The following ARHGEF10 variants were observed in gnomAD, a reference collection of about 807,000 sequenced individuals.
ARHGEF10 encodes the protein Rho guanine nucleotide exchange factor 10, also known as Rho guanine nucleotide exchange factor (GEF) 10.
Under a neutral mutation model 147.4 loss-of-function variants are expected in ARHGEF10, and 140 were observed. That is an observed-to-expected ratio of 0.95 (90% CI 0.83 to 1.09). The LOEUF is 1.09. Ranked by LOEUF, ARHGEF10 falls within the 50% of genes least tolerant of loss-of-function variation. The probability of loss-of-function intolerance (pLI) is 0.00; values close to 1 mark genes in which losing one functional copy is unlikely to be tolerated. For missense variants in ARHGEF10, 2,222 were observed against 1,752.7 expected, an observed-to-expected ratio of 1.27 and a Z score of -4.78; for synonymous variants, 902 against 695.8, an observed-to-expected ratio of 1.30 and a Z score of -4.67.
chr8:1,847,089 A>G (rs181500191), intron 2 of ARHGEF10, among the ~76,000 whole-genome samples: 4 of 152,210 alleles, frequency 2.6e-5, no homozygotes, highest in African/African-American at 9.6e-5. Flanking sequence ...TTCTCTAGAA[A>G]TGTCTTTGGC....
Position 1,858,096 on chromosome 8 carries a change from T to C in ARHGEF10, c.174T>C (p.Ser58=). The change falls in exon 3 of 29, where the codon AGT becomes AGC. Residue 58 remains serine, a synonymous_variant. Coordinates refer to ENST00000349830, the MANE Select transcript of ARHGEF10 (RefSeq NM_014629.4). The part of the protein sequence containing the change: ...SAPETGGAGA[S]EAPAPTGGED... ...CTGAGACAGGAGGTGCTGGAGCCAG[T>C]GAAGCCCCTGCACCCACAGGTGAGT... is the stretch of plus-strand genomic sequence containing the variant. The C allele has an allele frequency of 6.3e-7, 1 of 1,584,894 alleles. No homozygotes were observed. Among genetic ancestry groups the C allele is most frequent in the Non-Finnish European group, 8.6e-7 (1 of 1,166,812 alleles).
chr8:1,861,693 G>A (rs1295674191), intron 4 of ARHGEF10, among the ~76,000 whole-genome samples: 1 of 152,126 alleles, frequency 6.6e-6, no homozygotes, highest in East Asian at 1.9e-4. Context: ...AGAGGTTTCA[G>A]AATAGACGGC....
At position 1,898,143 on chromosome 8, in the gene ARHGEF10, A is replaced by G. The variant is rs1324152167; in HGVS notation, c.1558-290A>G. On this transcript the variant is annotated intron_variant, in intron 14 of 28. Coordinates refer to ENST00000349830, the MANE Select transcript of ARHGEF10 (RefSeq NM_014629.4). ...TGGGGGCCCACTATGGCCAGAACACAGACACCCAAGGACAGCCCCTGGAAT... is the reference window on the plus strand; with the variant it reads ...TGGGGGCCCACTATGGCCAGAACACGGACACCCAAGGACAGCCCCTGGAAT... 3.3e-5 allele frequency among the ~76,000 whole-genome samples: 5 copies of G among 152,138 alleles called. No homozygotes were observed. In the East Asian group the frequency reaches 9.6e-4, roughly 29 times the overall value.
At chr8:1,904,657 C>T (rs548889302) in intron 16 of ARHGEF10, among the ~76,000 whole-genome samples, 10 of 152,294 alleles carry the variant, frequency 6.6e-5, no homozygotes, top group East Asian at 3.9e-4. Flanking sequence ...GATGATGCTT[C>T]GCACTGAATG....
At chr8:1,846,152 C>G (rs570103709) in intron 2 of ARHGEF10, among the ~76,000 whole-genome samples, 20 of 152,160 alleles carry the variant, frequency 1.3e-4, no homozygotes, top group South Asian at 4.2e-4. Context: ...GGCGGGAGCC[C>G]GGGAGCCGCG....
intron 2 of ARHGEF10, among the ~76,000 whole-genome samples, chr8:1,851,339 C>T (rs1329679678): frequency 1.3e-5 from 2 of 150,392 alleles, no homozygotes; most frequent in Non-Finnish European, 2.9e-5. Flanking sequence ...AGGCCTCACG[C>T]ACACCGTGGG....
intron 21 of ARHGEF10, 102 bp downstream of exon 21, chr8:1,923,976 T>C (rs1812492387): frequency 9.3e-7 from 1 of 1,080,942 alleles, no homozygotes; most frequent in Admixed American, 1.9e-5. Flanking sequence ...CAGCAGTAGA[T>C]CCATGCATTG....
intron 1 of ARHGEF10, among the ~76,000 whole-genome samples, chr8:1,841,438 G>A (rs1804024873): frequency 6.6e-6 from 1 of 152,174 alleles, no homozygotes; most frequent in African/African-American, 2.4e-5. Flanking sequence ...ATTCTCATTA[G>A]TTTATGGAAA....
chr8:1,859,771 C>T (rs968534279), intron 3 of ARHGEF10, 126 bp from the exon 4 acceptor site: 8 of 1,182,300 alleles, frequency 6.8e-6, no homozygotes, highest in Non-Finnish European at 7.4e-6. Flanking sequence ...GACCTGGGAA[C>T]GTCTAGGGGT....
At chr8:1,889,613 A>T (rs1809245356) in intron 11 of ARHGEF10, among the ~76,000 whole-genome samples, 1 of 88,868 alleles carries the variant, frequency 1.1e-5, no homozygotes, top group Non-Finnish European at 2.3e-5. Flanking sequence ...AGTGTGGGTG[A>T]GGGGTCTGTG....
chr8:1,936,442 T>C (rs919188293), intron 26 of ARHGEF10, among the ~76,000 whole-genome samples: 1 of 152,276 alleles, frequency 6.6e-6, no homozygotes, highest in African/African-American at 2.4e-5. Context: ...CCCACGAAGC[T>C]GAGGCTGCAG....
chr8:1,868,918 C>G (rs1409635190), intron 6 of ARHGEF10, among the ~76,000 whole-genome samples: 1 of 152,168 alleles, frequency 6.6e-6, no homozygotes, highest in South Asian at 2.1e-4. Flanking sequence ...CATTTTACAG[C>G]TGGTCCATTT....
rs540692574 is a variant in ARHGEF10, at chr8:1,937,451, A to C, written c.3222+3509A>C. On this transcript the variant is annotated intron_variant, in intron 26 of 28. Transcript: ENST00000349830. This position sits in a 1 kb window ranked among gnomAD's most constrained non-coding sequence, Gnocchi z 4.9. Reference sequence around the variant, plus strand: ...ATTGTCTGAGCTGACAGCTGGGGGTAATTCCCCTTTCTCAGGCTGCTTGTA... The same window carrying C: ...ATTGTCTGAGCTGACAGCTGGGGGTCATTCCCCTTTCTCAGGCTGCTTGTA... Among the ~76,000 whole-genome samples, 1 of 152,312 alleles carries C rather than the reference A, an allele frequency of 6.6e-6. No homozygotes were observed. The highest frequency in any genetic ancestry group is 2.1e-4 in the South Asian group (1 of 4,824).
At chr8:1,951,268 C>T (rs1021629286) in intron 27 of ARHGEF10, among the ~76,000 whole-genome samples, 2 of 152,240 alleles carry the variant, frequency 1.3e-5, no homozygotes, top group African/African-American at 4.8e-5. Context: ...AGCTGGGAAT[C>T]GCGTACCCTG....
chr8:1,915,998 A>G (rs917922124), intron 18 of ARHGEF10, among the ~76,000 whole-genome samples: 3 of 152,216 alleles, frequency 2.0e-5, no homozygotes, highest in African/African-American at 7.2e-5. Flanking sequence ...CCAGCGTCTC[A>G]GGAAAGCTAT....
rs770883226 is a variant in ARHGEF10 at position 1,869,301 on chromosome 8, C to T, written c.679+51C>T. ...GAGGAGATTCAGCTCAGCAGCCTTT[C>T]CCTCTGGATGCCAAAGTGACTATTT... On this transcript the variant is annotated intron_variant, in intron 7 of 28. Transcript: ENST00000349830. 2.7e-6 allele frequency: 4 copies of T among 1,499,292 alleles called. No homozygotes were observed. The African/African-American group carries it at 5.5e-5, about 21-fold the overall frequency. 92.9% of individuals were successfully genotyped at this position (1,499,292 alleles called of 1,614,324 possible).
At chr8:1,872,555 C>G (rs1807217054) in intron 7 of ARHGEF10, among the ~76,000 whole-genome samples, 1 of 152,202 alleles carries the variant, frequency 6.6e-6, no homozygotes, top group African/African-American at 2.4e-5. Flanking sequence ...TTCATGGCAG[C>G]AGTTCAAGGA....
At chr8:1,863,231 A>C (rs11779733) in intron 4 of ARHGEF10, among the ~76,000 whole-genome samples, 80,677 of 151,872 alleles carry the variant, frequency 0.53, 21,612 homozygotes, top group East Asian at 0.63. Context: ...CAGCAGATGC[A>C]TGTGGGATTT....
chr8:1,868,174 C>G lies in ARHGEF10; in HGVS notation c.623-1020C>G, dbSNP rs938228151. ...TAGTAAATGCTATTAAAAGAAAGAG[C>G]GTCTGTAATACTGGAGCTTGACAAC... On this transcript the variant is annotated intron_variant, in intron 6 of 28. Coordinates refer to ENST00000349830, the MANE Select transcript of ARHGEF10 (RefSeq NM_014629.4). Among the ~76,000 whole-genome samples the G allele has an allele frequency of 3.9e-5, 6 of 152,250 alleles. No homozygotes were observed. In the East Asian group the frequency reaches 5.8e-4, roughly 15 times the overall value.
Sources: gnomAD v4.1 joint callset for allele counts (sites outside exome capture counted in the v4.1 genomes callset) on GRCh38, gnomAD v4.1.1 for gene constraint, Gnocchi (gnomAD v3.1) non-coding constraint, MANE v1.5 for transcripts, NCBI Gene and HGNC (gene_info 2026-07-23, HGNC 2026-07-21) for gene names.